The following ADGRB3 variants were observed in gnomAD, a reference collection of about 807,000 sequenced individuals.
ADGRB3 encodes brain-specific angiogenesis inhibitor 3.
Under a neutral mutation model 193.4 loss-of-function variants are expected in ADGRB3, and 37 were observed. That is an observed-to-expected ratio of 0.19 (90% CI 0.15 to 0.25). The LOEUF is 0.25. Among genes scored for constraint, ADGRB3 ranks in the 10% least tolerant of loss-of-function variants. The pLI, the probability that ADGRB3 is intolerant of heterozygous loss-of-function variation, is 1.00. For synonymous variants in ADGRB3, 690 were observed against 644.2 expected, an observed-to-expected ratio of 1.07 and a Z score of -1.08; for missense variants, 1,637 against 1,852.9, an observed-to-expected ratio of 0.88 and a Z score of 2.14.
In ADGRB3 at chr6:69,338,936, G is replaced by A; in HGVS notation, c.3209G>A (p.Ser1070Asn). ...TGCAGTCAGATGAGTGAGCCTCATA[G>A]CGGTTTGACGCTCAAATGTGCCAAG... ...HRAGQMSEPH[S>N]GLTLKCAKCG... Residue 1070 changes from serine (S) to asparagine (N), a missense_variant, in exon 25 of 32, where the codon AGC (serine) becomes AAC (asparagine). Physicochemically the swap from Ser to Asn is conservative, Grantham distance 46 (BLOSUM62 1). Around this residue, in one of 7 missense-constraint regions of ADGRB3, gnomAD observed 56 missense variants for 53.3 expected, o/e 1.05. Coordinates refer to ENST00000370598, the MANE Select transcript of ADGRB3 (RefSeq NM_001704.3). 1.9e-6 allele frequency: 3 copies of A among 1,613,736 alleles called. No homozygotes were observed. The highest frequency in any genetic ancestry group is 2.5e-6 in the Non-Finnish European group (3 of 1,179,810).
intron 17 of ADGRB3, among the ~76,000 whole-genome samples, chr6:69,105,754 A>C (rs1161866170): frequency 6.6e-6 from 1 of 152,210 alleles, no homozygotes; most frequent in Non-Finnish European, 1.5e-5. Context: ...TAGCATGCCC[A>C]AGGCTACAAA....
intron 3 of ADGRB3, among the ~76,000 whole-genome samples, chr6:68,845,938 AG>A (rs1266024670): frequency 6.6e-6 from 1 of 152,196 alleles, no homozygotes; most frequent in African/African-American, 2.4e-5. Flanking sequence ...AGAAGAAGAC[AG>A]GAAAATGTGG....
intron 17 of ADGRB3, among the ~76,000 whole-genome samples, chr6:69,210,170 A>ATATATATATATATG (rs70987458): frequency 7.6e-6 from 1 of 131,772 alleles, no homozygotes; most frequent in African/African-American, 3.0e-5. Context: ...ATATATATAT[A>ATATATATATATATG]AAGGGGAGTT....
At chr6:68,837,877 A>G (rs561123452) in intron 3 of ADGRB3, among the ~76,000 whole-genome samples, 7 of 152,314 alleles carry the variant, frequency 4.6e-5, no homozygotes, top group African/African-American at 1.4e-4. Flanking sequence ...GGTTTAAAAT[A>G]TATTTATAGT....
intron 3 of ADGRB3, among the ~76,000 whole-genome samples, chr6:68,902,501 A>G (rs1245882919): frequency 1.3e-5 from 2 of 152,074 alleles, no homozygotes; most frequent in African/African-American, 4.8e-5. Flanking sequence ...GAAAAATTTT[A>G]AAATGCCCCT....
chr6:69,031,729 G>A (rs2150293988), intron 13 of ADGRB3, among the ~76,000 whole-genome samples: 1 of 151,090 alleles, frequency 6.6e-6, no homozygotes, highest in South Asian at 2.1e-4. Flanking sequence ...CCACCTCCTG[G>A]GCTCAAGTGA....
intron 30 of ADGRB3, among the ~76,000 whole-genome samples, chr6:69,376,597 A>T (rs548577675): frequency 6.6e-5 from 10 of 151,752 alleles, no homozygotes; most frequent in African/African-American, 2.2e-4. Flanking sequence ...GGATAATAGA[A>T]GTAAGAGATC....
At chr6:69,022,612 C>T (rs183703878) in intron 13 of ADGRB3, among the ~76,000 whole-genome samples, 206 of 151,992 alleles carry the variant, frequency 1.4e-3, no homozygotes, top group African/African-American at 4.6e-3. Context: ...ATCCTTTGTG[C>T]TTTGCTAACC....
chr6:69,074,475 G>C (rs1455776061), intron 16 of ADGRB3, among the ~76,000 whole-genome samples: 1 of 151,660 alleles, frequency 6.6e-6, no homozygotes, highest in African/African-American at 2.4e-5. Flanking sequence ...GTCATAGCTT[G>C]CTGGCAATGA....
chr6:68,984,134 T>G (rs1157103402), intron 10 of ADGRB3, among the ~76,000 whole-genome samples: 1 of 152,054 alleles, frequency 6.6e-6, no homozygotes, highest in East Asian at 1.9e-4. Flanking sequence ...TAATACTAAG[T>G]GCAATGGGAA....
intron 3 of ADGRB3, among the ~76,000 whole-genome samples, chr6:68,750,568 C>T (rs1160187839): frequency 6.6e-6 from 1 of 152,114 alleles, no homozygotes; most frequent in African/African-American, 2.4e-5. Context: ...TTATTTTTGC[C>T]TACAACTTTG....
intron 13 of ADGRB3, among the ~76,000 whole-genome samples, chr6:69,040,299 T>TTC (rs1266568531): frequency 2.0e-5 from 3 of 148,620 alleles, no homozygotes; most frequent in African/African-American, 7.5e-5. Flanking sequence ...CTTCCTTCCT[T>TTC]TCTCTGTCTC....
At chr6:69,080,138 A>G (rs1772345963) in intron 17 of ADGRB3, among the ~76,000 whole-genome samples, 1 of 152,062 alleles carries the variant, frequency 6.6e-6, no homozygotes, top group African/African-American at 2.4e-5. Context: ...CTGGAAGTCA[A>G]AATTTCATTT....
chr6:69,310,159 T>C (rs894721035), intron 20 of ADGRB3, among the ~76,000 whole-genome samples: 1 of 151,826 alleles, frequency 6.6e-6, no homozygotes, highest in Non-Finnish European at 1.5e-5. Flanking sequence ...TTTGACTTAA[T>C]AGTCTTTCGG....
At chr6:69,245,465 CT>C (rs1313971407) in intron 20 of ADGRB3, among the ~76,000 whole-genome samples, 5 of 152,002 alleles carry the variant, frequency 3.3e-5, no homozygotes, top group Admixed American at 3.3e-4. Context: ...AAGAGAAAAA[CT>C]TCTGGAGCTT....
intron 5 of ADGRB3, among the ~76,000 whole-genome samples, chr6:68,940,547 CTTTTTT>C: frequency 7.2e-5 from 5 of 69,206 alleles, no homozygotes; most frequent in South Asian, 6.8e-4. Flanking sequence ...TGCTTTTGAA[CTTTTTT>C]TTTTTTTTTT....
chr6:68,878,605 T>C (rs986381813), intron 3 of ADGRB3, among the ~76,000 whole-genome samples: 1 of 152,168 alleles, frequency 6.6e-6, no homozygotes, highest in African/African-American at 2.4e-5. Flanking sequence ...TTAATTTGTG[T>C]TGTAAAAGTC....
intron 26 of ADGRB3, among the ~76,000 whole-genome samples, chr6:69,342,084 T>C (rs1382006707): frequency 1.3e-5 from 2 of 152,138 alleles, no homozygotes; most frequent in African/African-American, 4.8e-5. Flanking sequence ...CTCAGAACTT[T>C]TTCGTACTTG....
chr6:69,009,197 AC>A (rs1769860698), intron 11 of ADGRB3, among the ~76,000 whole-genome samples: 1 of 151,992 alleles, frequency 6.6e-6, no homozygotes, highest in Non-Finnish European at 1.5e-5. Flanking sequence ...AGAGGAAAAA[AC>A]CCTAAACCAA....
Sources: gnomAD v4.1 joint callset for allele counts (sites outside exome capture counted in the v4.1 genomes callset) on GRCh38, gnomAD v4.1.1 for gene constraint, gnomAD v4.1.1 regional missense constraint, MANE v1.5 for transcripts, NCBI Gene and HGNC (gene_info 2026-07-23, HGNC 2026-07-21) for gene names.